The following SUN1 variants were observed in gnomAD, a reference collection of about 807,000 sequenced individuals.
SUN1 encodes SUN domain-containing protein 1.
Under a neutral mutation model 103.2 loss-of-function variants are expected in SUN1, and 61 were observed. That is an observed-to-expected ratio of 0.59 (90% CI 0.48 to 0.73). The LOEUF is 0.73. Ranked by LOEUF, SUN1 falls within the 30% of genes least tolerant of loss-of-function variation. The pLI is 0.00. For synonymous variants in SUN1, 490 were observed against 425.7 expected (o/e 1.15, Z -1.86); for missense variants, 1,052 against 1,034.6 (o/e 1.02, Z -0.23).
intron 15 of SUN1, 29 bp from the exon 16 acceptor site, chr7:865,923 A>G (rs1312987878): frequency 1.3e-6 from 2 of 1,595,418 alleles, no homozygotes; most frequent in African/African-American, 2.7e-5. Flanking sequence ...GGAACTGGAC[A>G]CTGAGACCGA....
chr7:859,083 G>A (rs1000221813), intron 13 of SUN1, among the ~76,000 whole-genome samples: 2 of 151,774 alleles, frequency 1.3e-5, no homozygotes, highest in Non-Finnish European at 2.9e-5. Context: ...AACCCAGGAG[G>A]TGGAGGTTGC....
chr7:826,028 C>T (rs1791478592), intron 1 of SUN1, among the ~76,000 whole-genome samples: 1 of 151,904 alleles, frequency 6.6e-6, no homozygotes. Flanking sequence ...CGCTTGAGGC[C>T]AGGAGTTCAA....
chr7:832,232 CT>C, upstream of SUN1: 1 of 641,656 alleles, frequency 1.6e-6, no homozygotes. Context: ...GAAGGTGCCC[CT>C]GGTTTCACGA....
At chr7:850,151 T>C in intron 5 of SUN1, 1 of 930,844 alleles carries the variant, frequency 1.1e-6, no homozygotes, top group Non-Finnish European at 1.6e-6. Flanking sequence ...CTGACAGGAA[T>C]AGTATTAACT....
intron 1 of SUN1, among the ~76,000 whole-genome samples, chr7:838,407 C>T (rs550964288): frequency 5.3e-5 from 8 of 152,284 alleles, no homozygotes; most frequent in Non-Finnish European, 2.9e-5. Context: ...CTACGGCGCA[C>T]TGGTGTATTG....
intron 5 of SUN1, among the ~76,000 whole-genome samples, chr7:844,679 G>A (rs1424844191): frequency 2.0e-5 from 3 of 152,220 alleles, no homozygotes; most frequent in Non-Finnish European, 4.4e-5. Context: ...CACTGTGCAC[G>A]GTGCCTGCTT....
chr7:854,757 A>T (rs1168598741), intron 10 of SUN1, among the ~76,000 whole-genome samples, 163 bp from the exon 11 acceptor site: 1 of 152,262 alleles, frequency 6.6e-6, no homozygotes, highest in Non-Finnish European at 1.5e-5. Context: ...GGCTGAAATA[A>T]GGATATTGTT....
At chr7:858,877 G>A (rs992981515) in intron 13 of SUN1, among the ~76,000 whole-genome samples, 80 of 152,146 alleles carry the variant, frequency 5.3e-4, no homozygotes, top group African/African-American at 1.9e-3. Flanking sequence ...GCGATAGGCC[G>A]GGCGCCGCGG....
Position 872,689 on chromosome 7 carries a change from C to T in SUN1, c.2241+127C>T, listed in dbSNP as rs779624685. ...CCATCCTTTGAAAAATGTTAACCTG[C>T]GCTTCCTGGCTCTGCGTTAATGAGC... is the stretch of plus-strand genomic sequence containing the variant. On this transcript the variant is annotated intron_variant, in intron 18 of 18. Coordinates refer to ENST00000401592, the MANE Select transcript of SUN1 (RefSeq NM_001130965.3). The T allele has an allele frequency of 2.4e-5, 17 of 706,880 alleles. 1 individual carries two copies. The highest frequency in any genetic ancestry group is 1.1e-4 in the South Asian group (6 of 55,418). 43.8% of individuals were successfully genotyped at this position (706,880 alleles called of 1,614,324 possible).
rs773388807 is a variant in SUN1, at chr7:860,319, C to G, written c.1716C>G (p.Leu572=). ...VTHHVSVTKQ[L]PTSEAVVSAV... is the part of the protein sequence containing the mutation. ...ACCACGTTTCCGTGACCAAGCAGCT[C>G]CCAACCTCAGAAGCCGTGGTGTCTG... The change falls in exon 14 of 19, where the codon CTC becomes CTG. Residue 572 remains leucine (L), a synonymous_variant. Transcript: ENST00000401592. 6.2e-7 allele frequency: 1 copy of G among 1,614,118 alleles called. No individual in the cohort carries two copies. Among genetic ancestry groups the G allele is most frequent in the African/African-American group, 1.3e-5 (1 of 74,956 alleles).
intron 1 of SUN1, among the ~76,000 whole-genome samples, chr7:817,087 C>G (rs1282435980): frequency 6.6e-6 from 1 of 152,060 alleles, no homozygotes; most frequent in African/African-American, 2.4e-5. Flanking sequence ...GGGGTCCCAG[C>G]CCCTGGAAGT....
At chr7:844,642 G>A (rs6961643) in intron 5 of SUN1, among the ~76,000 whole-genome samples, 17,064 of 152,266 alleles carry the variant, frequency 0.11, 1,149 homozygotes, top group South Asian at 0.23. Flanking sequence ...TGGCGGGAGC[G>A]GGGCGGCACG....
chr7:848,444 A>G, intron 5 of SUN1: 1 of 1,361,664 alleles, frequency 7.3e-7, no homozygotes, highest in Non-Finnish European at 9.8e-7. Context: ...CGTGAATAGG[A>G]TTTTGTGGCT....
At chr7:852,403 C>T in intron 7 of SUN1, 1 of 642,250 alleles carries the variant, frequency 1.6e-6, no homozygotes, top group South Asian at 1.9e-5. Context: ...CCCACAGCAC[C>T]AGAGAGTTGG....
At chr7:844,110 G>T (rs757847774) in intron 5 of SUN1, among the ~76,000 whole-genome samples, 7 of 152,198 alleles carry the variant, frequency 4.6e-5, no homozygotes, top group Non-Finnish European at 1.0e-4. Context: ...AAGAGTGTGG[G>T]TGTCACCGCG....
In SUN1 at chr7:843,328, T is replaced by C; in HGVS notation, c.479-13T>C. 1 of 1,603,748 alleles carries C rather than the reference T, an allele frequency of 6.2e-7. No homozygotes were observed. The highest frequency in any genetic ancestry group is 1.1e-5 in the South Asian group (1 of 89,288). ...GTGATAAACAGGTTCCATCTACTGT[T>C]TGAAAACTTTAGGTGGAAATAAAGC... On this transcript the variant is annotated splice_polypyrimidine_tract_variant and intron_variant, in intron 4 of 18. Coordinates refer to ENST00000401592, the MANE Select transcript of SUN1 (RefSeq NM_001130965.3).
intron 2 of SUN1, 175 bp downstream of exon 2, chr7:839,161 G>C: frequency 1.8e-6 from 1 of 549,644 alleles, no homozygotes; most frequent in Non-Finnish European, 2.9e-6. Flanking sequence ...TGCAAATAAA[G>C]ACTGAAAGGA....
At chr7:816,061 C>A, upstream of SUN1, 1 of 227,340 alleles carries the variant, frequency 4.4e-6, no homozygotes. Flanking sequence ...AAACCTCTCC[C>A]CAAGATGCGG....
chr7:830,927 G>T, upstream of SUN1: 2 of 985,270 alleles, frequency 2.0e-6, no homozygotes, highest in Non-Finnish European at 2.4e-6. Context: ...TGCAGAAGCT[G>T]CCAGAGCAGG....
Sources: gnomAD v4.1 joint callset for allele counts (sites outside exome capture counted in the v4.1 genomes callset) on GRCh38, gnomAD v4.1.1 for gene constraint, MANE v1.5 for transcripts, NCBI Gene and HGNC (gene_info 2026-07-23, HGNC 2026-07-21) for gene names.